Variants in STAB2 observed in about 807,000 individuals in gnomAD.
STAB2 encodes the protein stabilin-2.
Under a neutral mutation model 338.1 loss-of-function variants are expected in STAB2, and 288 were observed. That is an observed-to-expected ratio of 0.85 (90% CI 0.77 to 0.94). The LOEUF (loss-of-function observed/expected upper bound fraction) is 0.94. Ranked by LOEUF, STAB2 falls within the 40% of genes least tolerant of loss-of-function variation. The pLI is 0.00. For synonymous variants in STAB2, 1,202 were observed against 1,193.3 expected, an observed-to-expected ratio of 1.01 and a Z score of -0.15; for missense variants, 3,141 against 3,210.1, an observed-to-expected ratio of 0.98 and a Z score of 0.52.
intron 58 of STAB2, 105 bp downstream of exon 58, chr12:103,746,809 C>A: frequency 1.8e-6 from 2 of 1,099,908 alleles, no homozygotes; most frequent in Non-Finnish European, 2.8e-6. Flanking sequence ...CCTGTCTGGG[C>A]CACTTCAGCA....
At chr12:103,663,025 G>C in intron 18 of STAB2, 27 bp downstream of exon 18, 2 of 1,612,898 alleles carry the variant, frequency 1.2e-6, no homozygotes, top group Non-Finnish European at 1.7e-6. Context: ...AATAAGTAAG[G>C]GCCCCAAACA....
At chr12:103,622,019 C>G in intron 4 of STAB2, 23 bp from the exon 5 acceptor site, 1 of 1,613,876 alleles carries the variant, frequency 6.2e-7, no homozygotes, top group Non-Finnish European at 8.5e-7. Context: ...GGTCTAATGT[C>G]AACCACCTGG....
chr12:103,761,655 A>G (rs1884550657), intron 66 of STAB2, among the ~76,000 whole-genome samples: 2 of 152,126 alleles, frequency 1.3e-5, no homozygotes, highest in African/African-American at 2.4e-5. Flanking sequence ...AAGGGGGAGG[A>G]TGGGCCACCA....
intron 34 of STAB2, among the ~76,000 whole-genome samples, chr12:103,702,542 A>G (rs1024213686): frequency 1.4e-5 from 2 of 147,680 alleles, no homozygotes; most frequent in Non-Finnish European, 3.0e-5. Context: ...CTCATGATCC[A>G]CCCGCCTCGG....
chr12:103,660,870 C>A (rs2138769119), intron 17 of STAB2, 107 bp downstream of exon 17: 2 of 1,218,368 alleles, frequency 1.6e-6, no homozygotes, highest in African/African-American at 1.5e-5. Flanking sequence ...GGCTTAAAAT[C>A]TTTATGATTA....
chr12:103,650,506 T>C lies in STAB2; in HGVS notation c.1185T>C (p.Tyr395=), dbSNP rs1873658652. 6.2e-7 allele frequency: 1 copy of C among 1,613,220 alleles called. No homozygotes were observed. The highest frequency in any genetic ancestry group is 8.5e-7 in the Non-Finnish European group (1 of 1,179,260). The part of the protein sequence containing the change: ...TSFISLLDKA[Y]AWPLSKLGPF... ...ATTTCGACTCCTAAGACAAAGCTTA[T>C]GCCTGGCCACTGAGTAAGCTGGGAC... Residue 395 remains tyrosine (Y), a synonymous_variant, in exon 11 of 69, where the codon TAT becomes TAC. Coordinates refer to ENST00000388887, the MANE Select transcript of STAB2 (RefSeq NM_017564.10).
intron 3 of STAB2, among the ~76,000 whole-genome samples, chr12:103,595,902 AG>A (rs1407861430): frequency 6.6e-6 from 1 of 152,144 alleles, no homozygotes; most frequent in Non-Finnish European, 1.5e-5. Context: ...TTTGATTGGC[AG>A]GTCCTTTCTG....
At chr12:103,605,605 T>G (rs1324896057) in intron 3 of STAB2, among the ~76,000 whole-genome samples, 2 of 152,124 alleles carry the variant, frequency 1.3e-5, no homozygotes, top group Non-Finnish European at 1.5e-5. Flanking sequence ...TATTTCTCCT[T>G]GCAGTTCAAT....
At chr12:103,660,488 G>A (rs1412027284) in intron 16 of STAB2, 104 bp downstream of exon 16, 2 of 1,420,648 alleles carry the variant, frequency 1.4e-6, no homozygotes, top group African/African-American at 2.8e-5. Context: ...TTTATCTGTA[G>A]CTCTGAATAA....
intron 68 of STAB2, 191 bp from the exon 69 acceptor site, chr12:103,766,095 A>AAAAC: frequency 1.4e-6 from 1 of 739,280 alleles, no homozygotes; most frequent in Middle Eastern, 2.3e-4. Context: ...AGGAGAGACT[A>AAAAC]AAACAGGTGG....
At chr12:103,652,403 T>G (rs1873809012) in intron 11 of STAB2, among the ~76,000 whole-genome samples, 153 bp from the exon 12 acceptor site, 1 of 152,268 alleles carries the variant, frequency 6.6e-6, no homozygotes, top group Non-Finnish European at 1.5e-5. Context: ...CAAGTATAAT[T>G]GTCAGTGCTT....
intron 65 of STAB2, among the ~76,000 whole-genome samples, 157 bp downstream of exon 65, chr12:103,759,430 A>G (rs1884381903): frequency 6.6e-6 from 1 of 152,144 alleles, no homozygotes; most frequent in South Asian, 2.1e-4. Flanking sequence ...AGCATACCAC[A>G]CTGACAATTG....
rs141432051 is a variant in STAB2, at chr12:103,727,313, T to C, written c.4898T>C (p.Phe1633Ser). Residue 1633 changes from phenylalanine to serine, a missense_variant, in exon 47 of 69, where the codon TTT becomes TCT. Transcript: ENST00000388887. ...DLVGPGPFTV[F>S]APLSAAFDEE... is the part of the protein sequence containing the mutation. ...GTCGGCCCAGGCCCCTTCACTGTTT[T>C]TGCACCTTTATCTGCAGCCTTTGAT... The C allele has an allele frequency of 1.2e-5, 20 of 1,614,266 alleles. No individual in the cohort carries two copies. The highest frequency in any genetic ancestry group is 1.7e-5 in the Admixed American group (1 of 60,038).
At position 103,676,063 on chromosome 12, in the gene STAB2, T is replaced by TTC; in HGVS notation, c.2646+43_2646+44insCT. 4 of 1,318,738 alleles carry TTC rather than the reference T, an allele frequency of 3.0e-6. No homozygotes were observed. In the South Asian group the frequency reaches 5.7e-5, roughly 19 times the overall value. 81.7% of individuals were successfully genotyped at this position (1,318,738 alleles called of 1,614,324 possible). A position where few individuals can be genotyped will look rare whatever the true frequency, so the allele number is the denominator to read the frequency against. ...ATTTCCACCCTGCCTGGTTTCTTTTTTTTTTTTTTTTTTTTTGAGACAGAG... is the reference window on the plus strand; with the variant it reads ...ATTTCCACCCTGCCTGGTTTCTTTTTTCTTTTTTTTTTTTTTTTGAGACAGAG... On this transcript the variant is annotated intron_variant, in intron 24 of 68. Transcript: ENST00000388887.
At chr12:103,666,204 G>A in intron 18 of STAB2, 87 bp from the exon 19 acceptor site, 1 of 1,316,958 alleles carries the variant, frequency 7.6e-7, no homozygotes, top group South Asian at 1.2e-5. Flanking sequence ...CCTTCACAGG[G>A]AGGGAAGCAT....
At chr12:103,620,793 T>C (rs1358254400) in intron 4 of STAB2, among the ~76,000 whole-genome samples, 1 of 152,196 alleles carries the variant, frequency 6.6e-6, no homozygotes, top group South Asian at 2.1e-4. Flanking sequence ...CTTAAGCATA[T>C]CCACTTGTAA....
chr12:103,759,341 G>C (rs991911410), intron 65 of STAB2, 68 bp downstream of exon 65: 185 of 1,573,810 alleles, frequency 1.2e-4, no homozygotes, highest in Non-Finnish European at 7.6e-5. Flanking sequence ...GCATACAGTA[G>C]GTGCTTAATA....
chr12:103,666,429 T>C, intron 19 of STAB2, 76 bp downstream of exon 19: 1 of 1,467,184 alleles, frequency 6.8e-7, no homozygotes, highest in Non-Finnish European at 9.5e-7. Context: ...CTATCTACCT[T>C]CCTTCTTTAG....
intron 56 of STAB2, among the ~76,000 whole-genome samples, chr12:103,742,795 A>C (rs1373211004): frequency 1.3e-5 from 2 of 152,228 alleles, no homozygotes; most frequent in African/African-American, 4.8e-5. Context: ...GATGTGGCTG[A>C]ACAATGTTCA....
Sources: allele counts gnomAD v4.1 joint callset (sites outside exome capture counted in the v4.1 genomes callset), GRCh38; gene constraint gnomAD v4.1.1; transcripts MANE v1.5; gene names NCBI Gene and HGNC (gene_info 2026-07-23, HGNC 2026-07-21).